The following CDRT4 variants were observed in gnomAD, a reference collection of about 807,000 sequenced individuals.
CDRT4 encodes CMT1A duplicated region transcript 4.
For synonymous variants in CDRT4, 64 were observed against 69.6 expected (o/e 0.92, Z 0.40); for missense variants, 167 against 193.1 (o/e 0.87, Z 0.80).
At chr17:15,462,162 G>GC (rs55756626) in intron 1 of CDRT4, among the ~76,000 whole-genome samples, 152,218 of 152,220 alleles carry the variant, frequency 1, 76,108 homozygotes, top group Middle Eastern at 1. Flanking sequence ...GGGCGTGGTC[G>GC]TCACGCCTGT....
intron 1 of CDRT4, among the ~76,000 whole-genome samples, chr17:15,457,148 C>G (rs974472006): frequency 6.6e-6 from 1 of 152,122 alleles, no homozygotes. Context: ...GTCTCCCTTC[C>G]AGCTCGAACC....
At position 15,437,526 on chromosome 17, in the gene CDRT4, C is replaced by G; in HGVS notation, c.*247G>C. 1.8e-6 allele frequency: 1 copy of G among 545,470 alleles called. No individual in the cohort carries two copies. The allele number at this position is 545,470 out of a possible 1,614,324, so 33.8% of individuals were successfully genotyped here. A position where few individuals can be genotyped will look rare whatever the true frequency, so the allele number is the denominator to read the frequency against. ...ACATTTTGGTCCTGAGAATCTGCAG[C>G]AGAGACTAGAGCCAGGGACTGCCCA... On this transcript the variant is annotated 3_prime_UTR_variant, in exon 4 of 4. Transcript: ENST00000619038.
At chr17:15,440,317 T>G in intron 2 of CDRT4, 32 bp from the exon 3 acceptor site, 1 of 1,603,330 alleles carries the variant, frequency 6.2e-7, no homozygotes, top group Non-Finnish European at 8.5e-7. Context: ...AGCCAGAGCC[T>G]CCTCAAACTG....
At chr17:15,461,825 A>G (rs1282579472) in intron 1 of CDRT4, among the ~76,000 whole-genome samples, 1 of 152,246 alleles carries the variant, frequency 6.6e-6, no homozygotes, top group Non-Finnish European at 1.5e-5. Flanking sequence ...GAGGAGCTGG[A>G]ACCTAGGTTT....
chr17:15,444,251 T>A (rs1597458936), intron 2 of CDRT4: 1 of 607,154 alleles, frequency 1.6e-6, no homozygotes, highest in East Asian at 2.9e-5. Context: ...GACCTACTTG[T>A]GATATTTAAA....
chr17:15,444,170 T>G (rs1978910739), intron 2 of CDRT4: 8 of 1,175,454 alleles, frequency 6.8e-6, no homozygotes, highest in Non-Finnish European at 8.8e-6. Context: ...AAAAAGGAAC[T>G]GTTCAGCAGG....
chr17:15,467,375 T>C (rs1325857740), intron 1 of CDRT4, 85 bp downstream of exon 1: 1 of 152,204 alleles, frequency 6.6e-6, no homozygotes, highest in Non-Finnish European at 1.5e-5. Context: ...CCTGACCTTC[T>C]CCTGGAAGTT....
Position 15,464,610 on chromosome 17 carries a change from T to C in CDRT4, c.-130+2850A>G, listed in dbSNP as rs1031292001. 6.6e-6 allele frequency among the ~76,000 whole-genome samples: 1 copy of C among 152,042 alleles called. No individual in the cohort carries two copies. The highest frequency in any genetic ancestry group is 2.4e-5 in the African/African-American group (1 of 41,388). ...TCTGCTGGTGCACCTCCCTGGCAGCTTCCCTCTGCTCCCCTCTCCAGCACT... is the reference window on the plus strand; with the variant it reads ...TCTGCTGGTGCACCTCCCTGGCAGCCTCCCTCTGCTCCCCTCTCCAGCACT... On this transcript the variant is annotated intron_variant, in intron 1 of 3. Coordinates refer to ENST00000619038, the MANE Select transcript of CDRT4 (RefSeq NM_001204477.2). This position sits in a 1 kb window ranked among gnomAD's most constrained non-coding sequence, Gnocchi z 4.5.
intron 2 of CDRT4, 142 bp from the exon 3 acceptor site, chr17:15,440,427 T>C: frequency 2.1e-6 from 2 of 972,164 alleles, no homozygotes; most frequent in Non-Finnish European, 3.0e-6. Context: ...GAGGACATGT[T>C]TTTTGTGGAG....
rs374884585 is a variant in CDRT4 at position 15,465,193 on chromosome 17, AAC to A, written c.-130+2265_-130+2266del. On this transcript the variant is annotated intron_variant, in intron 1 of 3. Transcript: ENST00000619038. ...CACACAGACACACAACACACATACCAACACAGACACACCAACAGACACACACC... is the reference window on the plus strand; with the variant it reads ...CACACAGACACACAACACACATACCAACAGACACACCAACAGACACACACC... Among the ~76,000 whole-genome samples the A allele has an allele frequency of 1.7e-3, 225 of 131,382 alleles. 23 individuals carry two copies. The highest frequency in any genetic ancestry group is 0.011 in the Middle Eastern group (3 of 266). The allele number at this position is 131,382 out of a possible 152,430, so 86.2% of individuals were successfully genotyped here.
At chr17:15,449,706 CCT>C (rs754000665) in intron 2 of CDRT4, among the ~76,000 whole-genome samples, 23 of 152,174 alleles carry the variant, frequency 1.5e-4, no homozygotes, top group Non-Finnish European at 2.4e-4. Context: ...CCCTCACCCT[CCT>C]CTCATCCTCC....
chr17:15,450,709 AT>A lies in CDRT4; in HGVS notation c.-48+2294del, dbSNP rs2150791784. Reference sequence around the variant, plus strand: ...CAAATACATATATCCAACTGCCAATATACTACATCTTTATTTGTATATCTAA... The same window carrying A: ...CAAATACATATATCCAACTGCCAATAACTACATCTTTATTTGTATATCTAA... On this transcript the variant is annotated intron_variant, in intron 2 of 3. Coordinates refer to ENST00000619038, the MANE Select transcript of CDRT4 (RefSeq NM_001204477.2). The surrounding 1 kb of genome is among the most constrained non-coding windows in gnomAD (Gnocchi z 4.2). Among the ~76,000 whole-genome samples the A allele has an allele frequency of 1.3e-5, 2 of 152,240 alleles. No homozygotes were observed. The highest frequency in any genetic ancestry group is 4.8e-5 in the African/African-American group (2 of 41,522).
Position 15,438,067 on chromosome 17 carries a change from C to G in CDRT4, c.165G>C (p.Met55Ile). ...EKSKTRELEC[M>I]RALEERPWAS... ...CCCAGGGTCTTTCCTCGAGGGCACGCATGCATTCCAGTTCTCTAGTTTTGC... is the reference window on the plus strand; with the variant it reads ...CCCAGGGTCTTTCCTCGAGGGCACGGATGCATTCCAGTTCTCTAGTTTTGC... Residue 55 changes from methionine (M) to isoleucine (I), a missense_variant, in exon 4 of 4, where the codon ATG (methionine) becomes ATC (isoleucine). Transcript: ENST00000619038. The G allele has an allele frequency of 6.2e-7, 1 of 1,614,152 alleles. No individual in the cohort carries two copies. The highest frequency in any genetic ancestry group is 1.1e-5 in the South Asian group (1 of 91,086).
chr17:15,456,312 G>C (rs1464969321), intron 1 of CDRT4, among the ~76,000 whole-genome samples: 1 of 152,112 alleles, frequency 6.6e-6, no homozygotes, highest in African/African-American at 2.4e-5. Flanking sequence ...CAAGATACGG[G>C]GGGAAGGCTC....
At chr17:15,439,871 C>T (rs2954763) in intron 3 of CDRT4, among the ~76,000 whole-genome samples, 41,334 of 151,806 alleles carry the variant, frequency 0.27, 9,112 homozygotes, top group African/African-American at 0.58. Context: ...GTTCTCACTC[C>T]TAGGTGGGAA....
At chr17:15,444,534 T>C (rs1978927853) in intron 2 of CDRT4, among the ~76,000 whole-genome samples, 1 of 152,126 alleles carries the variant, frequency 6.6e-6, no homozygotes, top group African/African-American at 2.4e-5. Context: ...TGAAGATTTA[T>C]AAAATATTAT....
chr17:15,463,776 TC>T (rs1979867706), intron 1 of CDRT4, among the ~76,000 whole-genome samples: 1 of 152,026 alleles, frequency 6.6e-6, no homozygotes, highest in Non-Finnish European at 1.5e-5. Context: ...CTGAGCATCC[TC>T]CCGCCTGCCC....
At chr17:15,466,685 T>G (rs913048203) in intron 1 of CDRT4, among the ~76,000 whole-genome samples, 2 of 152,066 alleles carry the variant, frequency 1.3e-5, no homozygotes, top group African/African-American at 2.4e-5. Flanking sequence ...TGCCTCAGCC[T>G]CCAGAGTAGC....
intron 2 of CDRT4, among the ~76,000 whole-genome samples, chr17:15,452,261 T>A (rs1216311671): frequency 3.3e-5 from 5 of 152,234 alleles, no homozygotes; most frequent in Admixed American, 1.3e-4. Context: ...CCTTAAAGTT[T>A]TCCCCCATCC....
Sources: allele counts gnomAD v4.1 joint callset (sites outside exome capture counted in the v4.1 genomes callset), GRCh38; gene constraint gnomAD v4.1.1; non-coding constraint Gnocchi (gnomAD v3.1); transcripts MANE v1.5; gene names NCBI Gene and HGNC (gene_info 2026-07-23, HGNC 2026-07-21).